Variants in HEMK2 observed in about 807,000 individuals in gnomAD.
HEMK2 encodes HemK methyltransferase 2, ETF1 glutamine and histone H4 lysine, also known as methyltransferase HEMK2.
chr21:28,659,286 G>C, the HEMK2 span, among the ~76,000 whole-genome samples: 101 of 152,178 alleles, frequency 6.6e-4, no homozygotes, highest in African/African-American at 2.4e-3. Flanking sequence ...AAGCGCTTCA[G>C]CTTTCTCAAA....
the HEMK2 span, among the ~76,000 whole-genome samples, chr21:28,664,045 A>G: frequency 2.6e-5 from 4 of 152,238 alleles, no homozygotes; most frequent in African/African-American, 7.2e-5. Context: ...TTACAGCTCT[A>G]TTACAAAACA....
the HEMK2 span, among the ~76,000 whole-genome samples, chr21:28,680,320 C>T: frequency 3.6e-3 from 551 of 152,152 alleles, 1 homozygote; most frequent in Non-Finnish European, 5.4e-3. Flanking sequence ...ATAAATTCCT[C>T]GACACATACA....
chr21:28,737,374 C>T, the HEMK2 span, among the ~76,000 whole-genome samples: 1 of 152,196 alleles, frequency 6.6e-6, no homozygotes, highest in Non-Finnish European at 1.5e-5. Context: ...ATCTGCCCAC[C>T]TCAGCCTCCC....
chr21:28,742,543 G>A, the HEMK2 span, among the ~76,000 whole-genome samples: 1 of 152,106 alleles, frequency 6.6e-6, no homozygotes, highest in African/African-American at 2.4e-5. Context: ...CTTTTCAAGG[G>A]GAGGTTACTG....
At chr21:28,726,106 TAATTTAACTA>T in the HEMK2 span, among the ~76,000 whole-genome samples, 1 of 152,174 alleles carries the variant, frequency 6.6e-6, no homozygotes, top group South Asian at 2.1e-4. Flanking sequence ...ATACTTGAAA[TAATTTAACTA>T]AATTTAACTA....
chr21:28,656,159 G>A, the HEMK2 span, among the ~76,000 whole-genome samples: 2 of 152,180 alleles, frequency 1.3e-5, no homozygotes. Flanking sequence ...GATGATGGCC[G>A]AGGTATCTCT....
At chr21:28,705,425 A>T in the HEMK2 span, among the ~76,000 whole-genome samples, 5 of 152,064 alleles carry the variant, frequency 3.3e-5, no homozygotes, top group African/African-American at 1.2e-4. Flanking sequence ...AGAAGGAAAG[A>T]CTTAGAAATA....
chr21:28,711,287 T>C, the HEMK2 span, among the ~76,000 whole-genome samples: 2 of 152,186 alleles, frequency 1.3e-5, no homozygotes, highest in African/African-American at 4.8e-5. Flanking sequence ...ATTCTATCTA[T>C]ATGAGGGCTG....
the HEMK2 span, among the ~76,000 whole-genome samples, chr21:28,809,461 A>C: frequency 6.6e-6 from 1 of 152,188 alleles, no homozygotes; most frequent in Admixed American, 6.5e-5. Flanking sequence ...TTGAGCTCTG[A>C]GAGGAGATAA....
At chr21:28,835,682 A>G in the HEMK2 span, among the ~76,000 whole-genome samples, 1 of 152,324 alleles carries the variant, frequency 6.6e-6, no homozygotes, top group East Asian at 1.9e-4. Context: ...TTAGTTATTA[A>G]GCTAATAAGG....
chr21:28,654,976 C>T, the HEMK2 span, among the ~76,000 whole-genome samples: 1 of 152,022 alleles, frequency 6.6e-6, no homozygotes, highest in Admixed American at 6.6e-5. Flanking sequence ...ACGCTCACCA[C>T]TCACTTCATG....
chr21:28,603,027 A>G, the HEMK2 span, among the ~76,000 whole-genome samples: 1 of 152,218 alleles, frequency 6.6e-6, no homozygotes. Flanking sequence ...GCCTGCAGCC[A>G]TCATGGAAAT....
At chr21:28,752,507 A>G in the HEMK2 span, among the ~76,000 whole-genome samples, 3 of 152,194 alleles carry the variant, frequency 2.0e-5, no homozygotes, top group African/African-American at 7.2e-5. Context: ...CTTGAATACT[A>G]TTATTCTTGC....
the HEMK2 span, among the ~76,000 whole-genome samples, chr21:28,651,088 C>T: frequency 6.6e-6 from 1 of 152,142 alleles, no homozygotes; most frequent in African/African-American, 2.4e-5. Flanking sequence ...AAATCTTATT[C>T]AGGAAGATAG....
At chr21:28,718,588 A>C in the HEMK2 span, among the ~76,000 whole-genome samples, 1 of 150,090 alleles carries the variant, frequency 6.7e-6, no homozygotes, top group African/African-American at 2.5e-5. Flanking sequence ...TGTTTTATGA[A>C]TCTCAGTGCT....
chr21:28,758,316 A>T, the HEMK2 span, among the ~76,000 whole-genome samples: 1 of 152,228 alleles, frequency 6.6e-6, no homozygotes, highest in African/African-American at 2.4e-5. Context: ...TGCTCTGTGC[A>T]ATCATGTTGG....
chr21:28,863,439 T>C, the HEMK2 span, among the ~76,000 whole-genome samples: 56 of 82,770 alleles, frequency 6.8e-4, no homozygotes, highest in African/African-American at 3.1e-3. Context: ...TATATATATA[T>C]ATATATATAT....
chr21:28,649,557 T>C, the HEMK2 span, among the ~76,000 whole-genome samples: 2 of 152,130 alleles, frequency 1.3e-5, no homozygotes, highest in Non-Finnish European at 1.5e-5. Flanking sequence ...AACAACTACA[T>C]GAACAGTAGA....
the HEMK2 span, among the ~76,000 whole-genome samples, chr21:28,672,689 T>A: frequency 1.2e-4 from 19 of 152,160 alleles, no homozygotes; most frequent in Non-Finnish European, 2.4e-4. Context: ...TGGTGCTGTA[T>A]TAGTAGGCTA....
Sources: allele counts gnomAD v4.1 joint callset (sites outside exome capture counted in the v4.1 genomes callset), GRCh38; gene constraint gnomAD v4.1.1; transcripts MANE v1.5; gene names NCBI Gene and HGNC (gene_info 2026-07-23, HGNC 2026-07-21).